TTLL8: variants seen among roughly 807,000 people sequenced by gnomAD.
TTLL8 encodes protein monoglycylase TTLL8.
TTLL8 carries 65 observed loss-of-function variants against 77.8 expected under a neutral mutation model. The observed-to-expected ratio is 0.84, with a 90% CI of 0.68 to 1.03. The LOEUF is 1.03. TTLL8 is among the 50% of genes least tolerant of loss of function. TTLL8 has a pLI of 0.00. For missense variants in TTLL8, 910 were observed against 1,004.5 expected, an observed-to-expected ratio of 0.91 and a Z score of 1.27; for synonymous variants, 402 against 422.8, an observed-to-expected ratio of 0.95 and a Z score of 0.60.
At chr22:50,040,622 T>C (rs2061364869) in intron 8 of TTLL8, among the ~76,000 whole-genome samples, 1 of 152,236 alleles carries the variant, frequency 6.6e-6, no homozygotes, top group Admixed American at 6.5e-5. Context: ...TTCTTCCACC[T>C]GTACAAATAT....
intron 8 of TTLL8, among the ~76,000 whole-genome samples, chr22:50,038,482 C>T (rs976420260): frequency 1.4e-4 from 22 of 152,180 alleles, no homozygotes; most frequent in African/African-American, 3.6e-4. Flanking sequence ...ATAACCACTA[C>T]GAAATATGTT....
intron 4 of TTLL8, 157 bp downstream of exon 6, chr22:50,047,011 G>T (rs1033716844): frequency 1.1e-6 from 1 of 876,834 alleles, no homozygotes; most frequent in Non-Finnish European, 1.4e-6. Context: ...GGTGGGCACC[G>T]AGTGATTCTG....
rs763625711 is a variant in TTLL8, at chr22:50,041,319, T to A, written c.831-42A>T. Reference sequence around the variant, plus strand: ...CTCTCAACAGTCATCAGGGTCCTGGTGGGACAGGCAACAGAGGGCCTGGGC... The same window carrying A: ...CTCTCAACAGTCATCAGGGTCCTGGAGGGACAGGCAACAGAGGGCCTGGGC... On this transcript the variant is annotated intron_variant, in intron 7 of 13. Coordinates refer to ENST00000266182, the Ensembl canonical transcript of TTLL8. The surrounding 1 kb of genome is among the most constrained non-coding windows in gnomAD (Gnocchi z 4.3). 4 of 515,274 alleles carry A rather than the reference T, an allele frequency of 7.8e-6. No homozygotes were observed. Among genetic ancestry groups the A allele is most frequent in the Admixed American group, 4.8e-5 (2 of 41,960 alleles). 31.9% of individuals were successfully genotyped at this position (515,274 alleles called of 1,614,324 possible).
chr22:50,031,832 A>G (rs2061296447), exon 11 of TTLL8: 2 of 1,367,206 alleles, frequency 1.5e-6, no homozygotes, highest in Non-Finnish European at 2.0e-6. Flanking sequence ...TCGATCAGCC[A>G]GGGCCTGAAG....
intron 12 of TTLL8, among the ~76,000 whole-genome samples, chr22:50,028,165 G>T (rs2061243028): frequency 6.6e-6 from 1 of 152,234 alleles, no homozygotes; most frequent in Non-Finnish European, 1.5e-5. Context: ...GGAGGGTCTG[G>T]AGGGAGAACC....
upstream of TTLL8, chr22:50,057,018 G>A: frequency 8.0e-7 from 1 of 1,253,520 alleles, no homozygotes. Context: ...GGAGGGTGTG[G>A]GGGGCTCTGG....
rs56403599 is a variant in TTLL8, at chr22:50,023,684, A to AAAATAAAT, written c.2203+6738_2203+6745dup. The stretch of plus-strand genomic sequence containing the variant: ...TGGCAACAAAGCGAGACTCCGTCTC[A>AAAATAAAT]AAATAAATAAATAAATAAATAAATA... On this transcript the variant is annotated intron_variant, in intron 12 of 13. Coordinates refer to ENST00000266182, the Ensembl canonical transcript of TTLL8. 8.2e-3 allele frequency among the ~76,000 whole-genome samples: 1,221 copies of AAAATAAAT among 149,494 alleles called. 20 individuals carry two copies. The highest frequency in any genetic ancestry group is 0.026 in the African/African-American group (1,066 of 40,274).
rs1346618315 is a variant in TTLL8, at chr22:50,049,382, G to A, written c.191-60C>T. On this transcript the variant is annotated intron_variant, in intron 2 of 13. Transcript: ENST00000266182. ...AGCCTCAGCCAGACTTCCCGCACCG[G>A]GTCCGTTACCACAACCGCAGGCAGG... The A allele has an allele frequency of 2.2e-6, 3 of 1,361,940 alleles. No individual in the cohort carries two copies. In the East Asian group the frequency reaches 1.4e-4, roughly 62 times the overall value. The allele number at this position is 1,361,940 out of a possible 1,614,324, so 84.4% of individuals were successfully genotyped here. A position where few individuals can be genotyped will look rare whatever the true frequency, so the allele number is the denominator to read the frequency against.
chr22:50,050,770 C>A lies in TTLL8; in HGVS notation c.52-523G>T, dbSNP rs184242945. Among the ~76,000 whole-genome samples, 597 of 152,272 alleles carry A rather than the reference C, an allele frequency of 3.9e-3. 1 individual carries two copies. The highest frequency in any genetic ancestry group is 0.014 in the African/African-American group (574 of 41,552). On this transcript the variant is annotated intron_variant, in intron 1 of 13. Transcript: ENST00000266182. Reference sequence around the variant, plus strand: ...ACTGCATGAAAAAAGCATTGTAAAACTTTCTGTTCTGTTAGCTGATGCATG... The same window carrying A: ...ACTGCATGAAAAAAGCATTGTAAAAATTTCTGTTCTGTTAGCTGATGCATG...
intron 12 of TTLL8, among the ~76,000 whole-genome samples, chr22:50,019,781 C>T (rs930383091): frequency 2.6e-5 from 4 of 152,198 alleles, no homozygotes; most frequent in African/African-American, 4.8e-5. Flanking sequence ...TTTGCTTTGC[C>T]ACAGCTCTGC....
intron 12 of TTLL8, among the ~76,000 whole-genome samples, chr22:50,019,347 T>A (rs1030608565): frequency 6.6e-6 from 1 of 152,244 alleles, no homozygotes; most frequent in Non-Finnish European, 1.5e-5. Context: ...GTAGGTACTG[T>A]GGTCATCAGG....
intron 11 of TTLL8, among the ~76,000 whole-genome samples, chr22:50,031,457 C>G (rs1044475163): frequency 2.6e-5 from 4 of 152,238 alleles, no homozygotes; most frequent in Non-Finnish European, 5.9e-5. Flanking sequence ...TCCGCCCGCA[C>G]GCCTGGAGTA....
At position 50,030,421 on chromosome 22, in the gene TTLL8, G is replaced by A; in HGVS notation, c.2203+9C>T. On this transcript the variant is annotated intron_variant, in intron 12 of 13. Transcript: ENST00000266182. ...AAGCCCACAGCGCACCGCCGGCGGCGCAGGTTACCTTTTCCTCCGGGCGGC... is the reference window on the plus strand; with the variant it reads ...AAGCCCACAGCGCACCGCCGGCGGCACAGGTTACCTTTTCCTCCGGGCGGC... The A allele has an allele frequency of 7.6e-7, 1 of 1,313,556 alleles. No homozygotes were observed. Among genetic ancestry groups the A allele is most frequent in the Non-Finnish European group, 9.9e-7 (1 of 1,005,524 alleles). 81.4% of individuals were successfully genotyped at this position (1,313,556 alleles called of 1,614,324 possible).
At chr22:50,032,084 C>T (rs375271243) in exon 11 of TTLL8, 10 of 1,363,508 alleles carry the variant, frequency 7.3e-6, no homozygotes, top group African/African-American at 1.5e-5. Context: ...TACTTCTGGA[C>T]GGCGTTGTTG....
At chr22:50,055,420 G>A (rs2061465706), upstream of TTLL8, 7 of 908,048 alleles carry the variant, frequency 7.7e-6, no homozygotes, top group East Asian at 1.3e-4. Flanking sequence ...GTGGGAGGCC[G>A]AGGTGGTTGG....
In TTLL8 at chr22:50,034,817, G is replaced by T. The variant is rs1030145703; in HGVS notation, c.922-355C>A. On this transcript the variant is annotated intron_variant, in intron 8 of 13. Transcript: ENST00000266182. The surrounding 1 kb of genome is among the most constrained non-coding windows in gnomAD (Gnocchi z 4.1). ...GGTGGGGGTGGGGAGATGCAGCCAC[G>T]CGGAAACGTGGGAGACACAGGCGGG... is the stretch of plus-strand genomic sequence containing the variant. 2.0e-5 allele frequency among the ~76,000 whole-genome samples: 3 copies of T among 152,194 alleles called. No homozygotes were observed. The highest frequency in any genetic ancestry group is 4.4e-5 in the Non-Finnish European group (3 of 68,038).
At chr22:50,038,350 CCTTA>C (rs1465454575) in intron 8 of TTLL8, among the ~76,000 whole-genome samples, 2 of 151,802 alleles carry the variant, frequency 1.3e-5, no homozygotes, top group Non-Finnish European at 2.9e-5. Context: ...GATCTTTATG[CCTTA>C]CTTTTTTTTT....
intron 8 of TTLL8, among the ~76,000 whole-genome samples, chr22:50,039,932 C>G (rs566716459): frequency 6.8e-6 from 1 of 146,540 alleles, no homozygotes; most frequent in South Asian, 2.2e-4. Context: ...ACGGACCTCA[C>G]GGACCTCATG....
chr22:50,051,281 G>A (rs1435711436), intron 1 of TTLL8, among the ~76,000 whole-genome samples: 1 of 152,212 alleles, frequency 6.6e-6, no homozygotes, highest in East Asian at 1.9e-4. Context: ...ATGAGAACAA[G>A]CGATATTTGG....
Sources: gnomAD v4.1 joint callset for allele counts (sites outside exome capture counted in the v4.1 genomes callset) on GRCh38, gnomAD v4.1.1 for gene constraint, Gnocchi (gnomAD v3.1) non-coding constraint, MANE v1.5 for transcripts, NCBI Gene and HGNC (gene_info 2026-07-23, HGNC 2026-07-21) for gene names.